The following CDH12 variants were observed in gnomAD, a reference collection of about 807,000 sequenced individuals.
The protein encoded by CDH12 is cadherin 12.
CDH12 carries 41 observed loss-of-function variants against 74.1 expected under a neutral mutation model. That is an observed-to-expected ratio of 0.55 (90% CI 0.43 to 0.72). The LOEUF is 0.72. Ranked by LOEUF, CDH12 falls within the 30% of genes least tolerant of loss-of-function variation. The probability of loss-of-function intolerance (pLI) is 0.00; values close to 1 mark genes in which losing one functional copy is unlikely to be tolerated. For synonymous variants in CDH12, 399 were observed against 355.0 expected (o/e 1.12, Z -1.39); for missense variants, 945 against 977.2 (o/e 0.97, Z 0.44).
At chr5:22,289,050 A>G (rs1737275529) in intron 3 of CDH12, among the ~76,000 whole-genome samples, 1 of 152,146 alleles carries the variant, frequency 6.6e-6, no homozygotes, top group African/African-American at 2.4e-5. Flanking sequence ...TAAATAAGCT[A>G]AGAGACTTGT....
intron 3 of CDH12, among the ~76,000 whole-genome samples, chr5:22,316,502 G>C (rs900888389): frequency 1.3e-5 from 2 of 152,066 alleles, no homozygotes; most frequent in Non-Finnish European, 1.5e-5. Flanking sequence ...TGCATTCACA[G>C]AGAATTTTAC....
At chr5:21,913,882 C>G (rs188173338) in intron 6 of CDH12, among the ~76,000 whole-genome samples, 1 of 152,062 alleles carries the variant, frequency 6.6e-6, no homozygotes, top group Non-Finnish European at 1.5e-5. Flanking sequence ...AGGAGTCTCA[C>G]TGTGTTTCCC....
intron 6 of CDH12, among the ~76,000 whole-genome samples, chr5:21,876,838 A>C (rs1308008572): frequency 1.3e-5 from 2 of 152,234 alleles, no homozygotes; most frequent in Non-Finnish European, 2.9e-5. Flanking sequence ...AATATAATAG[A>C]GTTCCCTAAG....
At chr5:22,536,421 T>C (rs1424265129) in intron 1 of CDH12, among the ~76,000 whole-genome samples, 2 of 152,146 alleles carry the variant, frequency 1.3e-5, no homozygotes, top group Non-Finnish European at 2.9e-5. Flanking sequence ...GTGGTGGTTG[T>C]TGTGGTCGTG....
chr5:22,289,672 A>C (rs1737298199), intron 3 of CDH12, among the ~76,000 whole-genome samples: 1 of 152,126 alleles, frequency 6.6e-6, no homozygotes, highest in Admixed American at 6.5e-5. Flanking sequence ...TGAAGAAGGA[A>C]GGTAGGAAGA....
chr5:22,602,995 A>C (rs1258984827), intron 1 of CDH12, among the ~76,000 whole-genome samples: 1 of 152,202 alleles, frequency 6.6e-6, no homozygotes, highest in Non-Finnish European at 1.5e-5. Flanking sequence ...CTCAACTTAG[A>C]AAACAAAGCT....
chr5:21,998,245 A>G (rs1247826903), intron 5 of CDH12, among the ~76,000 whole-genome samples: 2 of 152,130 alleles, frequency 1.3e-5, no homozygotes, highest in South Asian at 2.1e-4. Flanking sequence ...AATGAAAACT[A>G]CTTTTGGTCA....
chr5:22,759,546 T>G (rs1746101324), intron 1 of CDH12, among the ~76,000 whole-genome samples: 1 of 152,136 alleles, frequency 6.6e-6, no homozygotes, highest in African/African-American at 2.4e-5. Flanking sequence ...CTCTAGCCCC[T>G]CAATCCACAG....
At position 22,369,928 on chromosome 5, in the gene CDH12, A is replaced by G. The variant is rs531521257; in HGVS notation, c.-333+35329T>C. Among the ~76,000 whole-genome samples, 8 of 152,310 alleles carry G rather than the reference A, an allele frequency of 5.3e-5. No individual in the cohort carries two copies. The East Asian group carries it at 1.5e-3, about 29-fold the overall frequency. ...ACATTTTTCCTTAAAACATGGTGTC[A>G]GTTTCCATAGCCACAGACACAATAA... On this transcript the variant is annotated intron_variant, in intron 3 of 14. Coordinates refer to ENST00000382254, the MANE Select transcript of CDH12 (RefSeq NM_004061.5).
intron 3 of CDH12, among the ~76,000 whole-genome samples, chr5:22,323,450 G>A (rs936076644): frequency 2.6e-5 from 4 of 152,086 alleles, no homozygotes; most frequent in Non-Finnish European, 4.4e-5. Flanking sequence ...GAAAAATGCA[G>A]TTAATTTTAT....
intron 3 of CDH12, among the ~76,000 whole-genome samples, chr5:22,357,268 G>A (rs1197744163): frequency 1.3e-5 from 2 of 152,136 alleles, no homozygotes; most frequent in South Asian, 2.1e-4. Flanking sequence ...TGCAGCTACT[G>A]TCAATTATTT....
At chr5:22,531,259 G>C (rs1381993970) in intron 1 of CDH12, among the ~76,000 whole-genome samples, 1 of 152,112 alleles carries the variant, frequency 6.6e-6, no homozygotes, top group East Asian at 1.9e-4. Context: ...GTTTTTGAGA[G>C]AGGGTAGAGA....
At chr5:22,001,929 C>G (rs4635909) in intron 5 of CDH12, among the ~76,000 whole-genome samples, 2 of 151,570 alleles carry the variant, frequency 1.3e-5, no homozygotes, top group Non-Finnish European at 2.9e-5. Context: ...ATAAGACCCA[C>G]GAGAAAAATA....
chr5:21,755,309 A>C (rs984808699), intron 14 of CDH12, among the ~76,000 whole-genome samples: 4 of 152,176 alleles, frequency 2.6e-5, no homozygotes, highest in African/African-American at 7.2e-5. Flanking sequence ...ACAAACTATT[A>C]TTACTAGAAA....
At position 22,260,121 on chromosome 5, in the gene CDH12, C is replaced by G. The variant is rs545791455; in HGVS notation, c.-332-47478G>C. Among the ~76,000 whole-genome samples the G allele has an allele frequency of 1.6e-3, 245 of 152,116 alleles. 1 individual carries two copies. Among genetic ancestry groups the G allele is most frequent in the African/African-American group, 5.8e-3 (243 of 41,558 alleles). ...ATTGGATCATATAGGTCTTACTTTT[C>G]CTTTCTAATAACCAGAACACAATGT... On this transcript the variant is annotated intron_variant, in intron 3 of 14. Transcript: ENST00000382254.
At chr5:22,521,122 A>G (rs1737037284) in intron 1 of CDH12, among the ~76,000 whole-genome samples, 1 of 152,046 alleles carries the variant, frequency 6.6e-6, no homozygotes, top group African/African-American at 2.4e-5. Context: ...AGATCATTAA[A>G]AGCAAAGATC....
intron 6 of CDH12, among the ~76,000 whole-genome samples, chr5:21,928,647 C>A (rs1754699667): frequency 6.6e-6 from 1 of 151,922 alleles, no homozygotes. Flanking sequence ...TCTAAAAATT[C>A]TATCAAGAGT....
At chr5:22,094,104 T>C (rs939202192) in intron 4 of CDH12, among the ~76,000 whole-genome samples, 1 of 152,198 alleles carries the variant, frequency 6.6e-6, no homozygotes, top group African/African-American at 2.4e-5. Context: ...TTGCTTTATC[T>C]GTGCTGCAGA....
intron 4 of CDH12, among the ~76,000 whole-genome samples, chr5:22,097,129 T>C (rs905740651): frequency 8.5e-5 from 13 of 152,130 alleles, no homozygotes; most frequent in African/African-American, 3.1e-4. Flanking sequence ...GTGCCAGAAA[T>C]CTGGCCACCA....
Sources: allele counts gnomAD v4.1 joint callset (sites outside exome capture counted in the v4.1 genomes callset), GRCh38; gene constraint gnomAD v4.1.1; transcripts MANE v1.5; gene names NCBI Gene and HGNC (gene_info 2026-07-23, HGNC 2026-07-21).